MRTFA: variants seen among roughly 807,000 people sequenced by gnomAD.
The protein encoded by MRTFA is myocardin-related transcription factor A.
A neutral mutation model predicts 83.5 loss-of-function variants in MRTFA; 20 were observed. The observed-to-expected ratio is 0.24, with a 90% CI of 0.17 to 0.35. MRTFA has a LOEUF of 0.35. MRTFA is among the 10% of genes least tolerant of loss of function. The pLI is 1.00. For missense variants in MRTFA, 1,200 were observed against 1,224.7 expected (o/e 0.98, Z 0.30); for synonymous variants, 659 against 541.2 (o/e 1.22, Z -3.02).
chr22:40,498,447 C>G (rs978675766), intron 3 of MRTFA, among the ~76,000 whole-genome samples: 1 of 149,976 alleles, frequency 6.7e-6, no homozygotes, highest in Non-Finnish European at 1.5e-5. Flanking sequence ...CCATGCCCAG[C>G]TGATTTTTGC....
At chr22:40,555,067 T>C (rs926298357) in intron 2 of MRTFA, among the ~76,000 whole-genome samples, 3 of 152,220 alleles carry the variant, frequency 2.0e-5, no homozygotes, top group Non-Finnish European at 4.4e-5. Context: ...CCCCATTGTA[T>C]CTTGGAAGTA....
At chr22:40,589,095 A>G (rs1040472669) in intron 2 of MRTFA, among the ~76,000 whole-genome samples, 1 of 152,180 alleles carries the variant, frequency 6.6e-6, no homozygotes, top group African/African-American at 2.4e-5. Flanking sequence ...GCAAATGTAG[A>G]CATGGTTGGG....
intron 3 of MRTFA, among the ~76,000 whole-genome samples, chr22:40,536,033 C>A (rs1221523928): frequency 2.0e-5 from 3 of 150,686 alleles, no homozygotes; most frequent in Non-Finnish European, 3.0e-5. Flanking sequence ...AAAAATTAAA[C>A]AAGAAGCACT....
chr22:40,551,909 G>C (rs888657326), intron 3 of MRTFA, among the ~76,000 whole-genome samples, 197 bp downstream of exon 3: 85 of 152,230 alleles, frequency 5.6e-4, no homozygotes, highest in African/African-American at 1.9e-3. Context: ...AGAGAAATTA[G>C]AAAGAAATTA....
At chr22:40,566,282 G>A (rs1051515137) in intron 2 of MRTFA, among the ~76,000 whole-genome samples, 4 of 151,130 alleles carry the variant, frequency 2.6e-5, no homozygotes, top group Admixed American at 6.6e-5. Context: ...GTGCAGTGGC[G>A]TGATCTCGGC....
At chr22:40,489,668 T>G (rs1391803696) in intron 3 of MRTFA, among the ~76,000 whole-genome samples, 2 of 151,800 alleles carry the variant, frequency 1.3e-5, no homozygotes, top group African/African-American at 4.8e-5. Context: ...AAATGAAAGG[T>G]TCTAAGCACA....
At chr22:40,441,831 T>TACAC (rs562549245) in intron 4 of MRTFA, among the ~76,000 whole-genome samples, 15,603 of 147,824 alleles carry the variant, frequency 0.11, 930 homozygotes, top group East Asian at 0.21. Context: ...TATATATATA[T>TACAC]ACACACACAC....
rs1309968636 is a variant in MRTFA at position 40,449,287 on chromosome 22, AAAAAG to A, written c.308-13738_308-13734del. 5.3e-5 allele frequency among the ~76,000 whole-genome samples: 8 copies of A among 151,600 alleles called. 1 individual carries two copies. Among genetic ancestry groups the A allele is most frequent in the Non-Finnish European group, 1.0e-4 (7 of 67,938 alleles). On this transcript the variant is annotated intron_variant, in intron 4 of 14. Transcript: ENST00000355630. Reference sequence around the variant, plus strand: ...GTCTCCAAACGAGAAAAAAAAAAAAAAAAAGAAAAGAAAAGAACGGAAATTTGCCA... The same window carrying A: ...GTCTCCAAACGAGAAAAAAAAAAAAAAAAAGAAAAGAACGGAAATTTGCCA...
rs2052766027 is a variant in MRTFA at position 40,419,103 on chromosome 22, G to A, written c.1635C>T (p.Gly545=). Residue 545 remains glycine, a synonymous_variant, in exon 12 of 15, where the codon GGC becomes GGT. Transcript: ENST00000355630. ...ACACGGGGGGCGTGGAGCCCGTGCTGCCAAACTTCACCACCCCACTGCTGG... is the reference window on the plus strand; with the variant it reads ...ACACGGGGGGCGTGGAGCCCGTGCTACCAAACTTCACCACCCCACTGCTGG... 6.3e-7 allele frequency: 1 copy of A among 1,596,272 alleles called. No homozygotes were observed. The highest frequency in any genetic ancestry group is 1.3e-5 in the African/African-American group (1 of 74,426).
chr22:40,564,838 CA>C (rs1284052861), intron 2 of MRTFA, among the ~76,000 whole-genome samples: 1 of 151,922 alleles, frequency 6.6e-6, no homozygotes, highest in African/African-American at 2.4e-5. Flanking sequence ...TTTTAGTAGA[CA>C]CGGGATTTCA....
At position 40,417,863 on chromosome 22, in the gene MRTFA, C is replaced by G. The variant is rs375438849; in HGVS notation, c.2365-370G>C. ...TCTACCCCCAAGTTCTGCAGGACCA[C>G]GAGGCTACATAAAGCCTTAGGGCAG... On this transcript the variant is annotated intron_variant, in intron 12 of 14. Coordinates refer to ENST00000355630, the MANE Select transcript of MRTFA (RefSeq NM_020831.6). 3.5e-5 allele frequency: 9 copies of G among 257,594 alleles called. No homozygotes were observed. In the East Asian group the frequency reaches 4.1e-4, roughly 12 times the overall value. The allele number at this position is 257,594 out of a possible 1,614,324, so 16.0% of individuals were successfully genotyped here.
At chr22:40,420,814 G>T (rs755687157) in intron 10 of MRTFA, 33 bp downstream of exon 10, 19 of 1,610,526 alleles carry the variant, frequency 1.2e-5, no homozygotes, top group Non-Finnish European at 1.6e-5. Context: ...GCTCGGGGAG[G>T]GCAGGGGCAG....
At chr22:40,459,820 C>CACACACACATAT (rs1602278609) in intron 4 of MRTFA, among the ~76,000 whole-genome samples, 3 of 82,934 alleles carry the variant, frequency 3.6e-5, no homozygotes, top group African/African-American at 1.7e-4. Flanking sequence ...CACACACACA[C>CACACACACATAT]ACATATATAC....
intron 2 of MRTFA, among the ~76,000 whole-genome samples, chr22:40,567,374 GTTC>G (rs1393478718): frequency 6.6e-6 from 1 of 152,126 alleles, no homozygotes; most frequent in African/African-American, 2.4e-5. Flanking sequence ...GTCTTCTAGA[GTTC>G]TTCTCTAAGA....
intron 3 of MRTFA, among the ~76,000 whole-genome samples, chr22:40,487,678 A>G (rs2054195531): frequency 6.6e-6 from 1 of 152,238 alleles, no homozygotes; most frequent in Admixed American, 6.5e-5. Context: ...TCTAATCAAG[A>G]TATTTATAGA....
chr22:40,632,576 C>G (rs1010435278), intron 1 of MRTFA, among the ~76,000 whole-genome samples: 2 of 152,172 alleles, frequency 1.3e-5, no homozygotes, highest in African/African-American at 4.8e-5. Context: ...GCTGGGACTA[C>G]AGGCGTGCAT....
At chr22:40,622,879 G>A (rs909032845) in intron 1 of MRTFA, among the ~76,000 whole-genome samples, 3 of 152,154 alleles carry the variant, frequency 2.0e-5, no homozygotes, top group Admixed American at 6.5e-5. Flanking sequence ...CTTGGAAGAG[G>A]GTGATTATGG....
At chr22:40,471,064 C>A (rs1418360262) in intron 3 of MRTFA, among the ~76,000 whole-genome samples, 1 of 151,034 alleles carries the variant, frequency 6.6e-6, no homozygotes, top group Non-Finnish European at 1.5e-5. Context: ...AAGAAAAAAA[C>A]AGAAAATACA....
At chr22:40,589,853 C>A (rs2056092946) in intron 2 of MRTFA, among the ~76,000 whole-genome samples, 1 of 151,826 alleles carries the variant, frequency 6.6e-6, no homozygotes, top group Admixed American at 6.6e-5. Flanking sequence ...ATGGTGAAAC[C>A]CCATCTCTAA....
Sources: allele counts gnomAD v4.1 joint callset (sites outside exome capture counted in the v4.1 genomes callset), GRCh38; gene constraint gnomAD v4.1.1; transcripts MANE v1.5; gene names NCBI Gene and HGNC (gene_info 2026-07-23, HGNC 2026-07-21).